Variants in CAB39L observed in about 807,000 individuals in gnomAD.
CAB39L encodes calcium-binding protein 39-like.
A neutral mutation model predicts 39.1 loss-of-function variants in CAB39L; 23 were observed. That is an observed-to-expected ratio of 0.59 (90% CI 0.42 to 0.83). The LOEUF (loss-of-function observed/expected upper bound fraction) is 0.83. Ranked by LOEUF, CAB39L falls within the 40% of genes least tolerant of loss-of-function variation. The pLI, the probability that CAB39L is intolerant of heterozygous loss-of-function variation, is 0.00. For missense variants in CAB39L, 366 were observed against 391.9 expected, an observed-to-expected ratio of 0.93 and a Z score of 0.56; for synonymous variants, 126 against 137.2, an observed-to-expected ratio of 0.92 and a Z score of 0.57.
chr13:49,349,982 A>T (rs988450889), intron 7 of CAB39L, among the ~76,000 whole-genome samples: 5 of 152,204 alleles, frequency 3.3e-5, no homozygotes, highest in Admixed American at 3.3e-4. Flanking sequence ...TTCTCTGAAC[A>T]TTTTTTTGAT....
intron 3 of CAB39L, among the ~76,000 whole-genome samples, chr13:49,386,246 T>A (rs1392331688): frequency 1.3e-5 from 2 of 152,188 alleles, no homozygotes; most frequent in African/African-American, 4.8e-5. Flanking sequence ...TAATGCTAAT[T>A]TACTTAAATT....
chr13:49,434,246 G>T (rs1299629254), intron 1 of CAB39L, 23 bp from the exon 2 acceptor site: 3 of 445,334 alleles, frequency 6.7e-6, no homozygotes, highest in African/African-American at 6.1e-5. Flanking sequence ...AGGAAAAACA[G>T]CACAGGCTTT....
chr13:49,376,072 T>A (rs1398122657), intron 5 of CAB39L, among the ~76,000 whole-genome samples: 2 of 152,206 alleles, frequency 1.3e-5, no homozygotes, highest in African/African-American at 4.8e-5. Context: ...CTTCCACAGA[T>A]CCCCAAAGCC....
intron 5 of CAB39L, 93 bp downstream of exon 5, chr13:49,376,874 A>G: frequency 1.4e-6 from 1 of 724,006 alleles, no homozygotes; most frequent in South Asian, 3.8e-5. Context: ...GCCATAATGA[A>G]AAGCAAAAGT....
intron 10 of CAB39L, among the ~76,000 whole-genome samples, chr13:49,313,765 C>G (rs1954072154): frequency 6.6e-6 from 1 of 152,226 alleles, no homozygotes; most frequent in Non-Finnish European, 1.5e-5. Context: ...CCTCCTGCCT[C>G]TGCCTGGCAC....
chr13:49,438,873 C>T (rs1957458452), intron 1 of CAB39L, among the ~76,000 whole-genome samples: 1 of 152,134 alleles, frequency 6.6e-6, no homozygotes, highest in African/African-American at 2.4e-5. Flanking sequence ...TTGTTCTGGT[C>T]CATTGCTTTG....
chr13:49,313,246 C>T (rs1002933742), intron 10 of CAB39L, among the ~76,000 whole-genome samples: 2 of 152,122 alleles, frequency 1.3e-5, no homozygotes, highest in Middle Eastern at 3.2e-3. Flanking sequence ...CTTTGGGAGG[C>T]CGAGGTGGGC....
At chr13:49,388,023 G>A (rs948080951) in intron 3 of CAB39L, among the ~76,000 whole-genome samples, 6 of 152,204 alleles carry the variant, frequency 3.9e-5, no homozygotes, top group South Asian at 2.1e-4. Context: ...AAGGGCTCAC[G>A]ATGTAGTGAG....
At chr13:49,317,355 C>A (rs1048515993) in intron 10 of CAB39L, among the ~76,000 whole-genome samples, 2 of 146,476 alleles carry the variant, frequency 1.4e-5, no homozygotes, top group African/African-American at 2.5e-5. Flanking sequence ...CATGGCGAAA[C>A]CCCCTCTCTA....
At chr13:49,376,922 T>A (rs538420354) in intron 5 of CAB39L, 45 bp downstream of exon 5, 35 of 1,102,582 alleles carry the variant, frequency 3.2e-5, no homozygotes, top group South Asian at 6.6e-5. Context: ...TAGATAGATA[T>A]TAAAATTGAA....
chr13:49,331,376 G>GTT (rs1336976128), intron 10 of CAB39L, among the ~76,000 whole-genome samples: 2 of 152,024 alleles, frequency 1.3e-5, no homozygotes, highest in African/African-American at 4.8e-5. Flanking sequence ...TGAGGGAGGA[G>GTT]AATCGCTTTA....
intron 10 of CAB39L, among the ~76,000 whole-genome samples, chr13:49,328,883 A>C (rs1213787418): frequency 6.6e-6 from 1 of 152,132 alleles, no homozygotes; most frequent in Non-Finnish European, 1.5e-5. Context: ...TTTTTAAAGG[A>C]ATTCTTCCTA....
intron 3 of CAB39L, among the ~76,000 whole-genome samples, chr13:49,409,853 C>T (rs985117506): frequency 6.6e-6 from 1 of 151,156 alleles, no homozygotes; most frequent in African/African-American, 2.4e-5. Context: ...TAGGAGGATC[C>T]CTTGAGTCCA....
At chr13:49,391,910 AC>A (rs1258112761) in intron 3 of CAB39L, among the ~76,000 whole-genome samples, 1 of 151,844 alleles carries the variant, frequency 6.6e-6, no homozygotes, top group Non-Finnish European at 1.5e-5. Flanking sequence ...AAATTCTACT[AC>A]TAAAAAACCA....
intron 3 of CAB39L, 72 bp downstream of exon 3, chr13:49,433,246 G>T: frequency 8.8e-6 from 3 of 340,520 alleles, no homozygotes; most frequent in South Asian, 2.3e-5. Context: ...ATTTTATTTT[G>T]GTATGTTGAG....
At chr13:49,438,291 T>TC (rs1411317725) in intron 1 of CAB39L, among the ~76,000 whole-genome samples, 1 of 152,206 alleles carries the variant, frequency 6.6e-6, no homozygotes, top group Non-Finnish European at 1.5e-5. Flanking sequence ...CCCATTTTTT[T>TC]GCGGGTTATA....
intron 3 of CAB39L, among the ~76,000 whole-genome samples, chr13:49,403,583 TAGGTTCA>T (rs1956818029): frequency 6.6e-6 from 1 of 152,048 alleles, no homozygotes; most frequent in Non-Finnish European, 1.5e-5. Context: ...ATATCTTCCA[TAGGTTCA>T]AGAAGGTATT....
At chr13:49,331,886 G>A (rs933384219) in intron 10 of CAB39L, 61 bp downstream of exon 10, 14 of 1,502,154 alleles carry the variant, frequency 9.3e-6, no homozygotes, top group Non-Finnish European at 1.3e-5. Flanking sequence ...CAGGGAGTTT[G>A]CCATTTGGAA....
intron 7 of CAB39L, among the ~76,000 whole-genome samples, chr13:49,347,097 TA>T (rs201104935): frequency 1.4e-4 from 21 of 148,274 alleles, no homozygotes; most frequent in South Asian, 2.1e-4. Context: ...CCAGCTACTT[TA>T]AAAAAAAAAG....
Sources: allele counts gnomAD v4.1 joint callset (sites outside exome capture counted in the v4.1 genomes callset), GRCh38; gene constraint gnomAD v4.1.1; transcripts MANE v1.5; gene names NCBI Gene and HGNC (gene_info 2026-07-23, HGNC 2026-07-21).